TEAD4: variants seen among roughly 807,000 people sequenced by gnomAD.
TEAD4 encodes the protein transcriptional enhancer factor TEF-3.
Under a neutral mutation model 52.4 loss-of-function variants are expected in TEAD4, and 36 were observed. The ratio of observed to expected loss-of-function variants is 0.69; its 90% CI spans 0.53 to 0.91. TEAD4 has a LOEUF of 0.91. TEAD4 is among the 40% of genes least tolerant of loss of function. The pLI, the probability that TEAD4 is intolerant of heterozygous loss-of-function variation, is 0.00. For missense variants in TEAD4, 508 were observed against 583.9 expected, an observed-to-expected ratio of 0.87 and a Z score of 1.34; for synonymous variants, 220 against 231.0, an observed-to-expected ratio of 0.95 and a Z score of 0.43.
intron 3 of TEAD4, among the ~76,000 whole-genome samples, chr12:2,998,827 A>G (rs1194709857): frequency 1.3e-5 from 2 of 152,118 alleles, no homozygotes; most frequent in Non-Finnish European, 2.9e-5. Context: ...TTGCTCCTCC[A>G]CTGCCTGGCC....
chr12:2,971,507 G>C (rs1425456999), intron 2 of TEAD4, among the ~76,000 whole-genome samples: 1 of 151,202 alleles, frequency 6.6e-6, no homozygotes, highest in Non-Finnish European at 1.5e-5. Context: ...ACAGAGTCTC[G>C]CTCTGTCGCC....
chr12:2,983,291 C>A (rs1370340939), intron 2 of TEAD4, among the ~76,000 whole-genome samples: 3 of 152,160 alleles, frequency 2.0e-5, no homozygotes, highest in African/African-American at 7.2e-5. Flanking sequence ...GTGTCAGGCC[C>A]TACGCTAGAT....
At chr12:2,967,022 A>T (rs964672968) in intron 2 of TEAD4, among the ~76,000 whole-genome samples, 3 of 152,102 alleles carry the variant, frequency 2.0e-5, no homozygotes, top group Non-Finnish European at 4.4e-5. Context: ...TCTCGTTTTT[A>T]TGGGCGTTGA....
At chr12:3,003,914 A>G (rs2098253716) in intron 3 of TEAD4, among the ~76,000 whole-genome samples, 1 of 152,118 alleles carries the variant, frequency 6.6e-6, no homozygotes. Flanking sequence ...AGCCCCTCCC[A>G]CCGCCACCAC....
At chr12:2,981,014 T>TGGGGC (rs1238204702) in intron 2 of TEAD4, among the ~76,000 whole-genome samples, 5 of 152,236 alleles carry the variant, frequency 3.3e-5, no homozygotes, top group Non-Finnish European at 7.4e-5. Flanking sequence ...ACCTGCCAAA[T>TGGGGC]GGGGCAGTGC....
At chr12:3,002,509 C>T (rs929093666) in intron 3 of TEAD4, among the ~76,000 whole-genome samples, 3 of 152,228 alleles carry the variant, frequency 2.0e-5, no homozygotes, top group Admixed American at 6.5e-5. Flanking sequence ...TCCTCATCAG[C>T]GCTTGTTATT....
intron 10 of TEAD4, among the ~76,000 whole-genome samples, chr12:3,036,473 T>C (rs1295731525): frequency 3.3e-5 from 5 of 152,166 alleles, no homozygotes; most frequent in Non-Finnish European, 5.9e-5. Context: ...TAGAATTGCT[T>C]GGTGCCTGGC....
intron 10 of TEAD4, among the ~76,000 whole-genome samples, chr12:3,023,768 G>A (rs1036030030): frequency 3.4e-5 from 5 of 148,116 alleles, no homozygotes; most frequent in African/African-American, 5.0e-5. Context: ...ATTCCAGCCT[G>A]GGCAACAGAG....
intron 2 of TEAD4, among the ~76,000 whole-genome samples, chr12:2,993,530 G>A (rs2098244827): frequency 6.6e-6 from 1 of 152,066 alleles, no homozygotes. Flanking sequence ...GAGTGCAGTG[G>A]CGCAATCATG....
At chr12:3,031,354 G>A (rs1565552121) in intron 10 of TEAD4, among the ~76,000 whole-genome samples, 1 of 152,208 alleles carries the variant, frequency 6.6e-6, no homozygotes, top group Non-Finnish European at 1.5e-5. Flanking sequence ...GGGTCAGAGC[G>A]GAGACCCAGT....
chr12:3,017,105 G>T (rs1397296137), intron 5 of TEAD4: 3 of 543,428 alleles, frequency 5.5e-6, no homozygotes, highest in Non-Finnish European at 1.1e-5. Flanking sequence ...GGTGAGCAAG[G>T]CATAGAAGGT....
chr12:3,028,007 C>G (rs898401601), intron 10 of TEAD4, among the ~76,000 whole-genome samples: 1 of 152,324 alleles, frequency 6.6e-6, no homozygotes, highest in South Asian at 2.1e-4. Context: ...CTCCTACCCC[C>G]CAGCCCTGTG....
At position 2,967,651 on chromosome 12, in the gene TEAD4, C is replaced by T. The variant is rs564595135; in HGVS notation, c.-30+7611C>T. 1.1e-4 allele frequency among the ~76,000 whole-genome samples: 17 copies of T among 152,300 alleles called. 1 individual carries two copies. In the East Asian group the frequency reaches 2.3e-3, roughly 21 times the overall value. On this transcript the variant is annotated intron_variant, in intron 2 of 12. Transcript: ENST00000359864. Reference sequence around the variant, plus strand: ...AGGCTTGGGGTTTTGGGCTGAAAAACGAAGGAAGAGGGAAATGAACATTTT... The same window carrying T: ...AGGCTTGGGGTTTTGGGCTGAAAAATGAAGGAAGAGGGAAATGAACATTTT...
At chr12:3,021,051 A>G (rs2098268362) in intron 9 of TEAD4, among the ~76,000 whole-genome samples, 1 of 150,840 alleles carries the variant, frequency 6.6e-6, no homozygotes, top group African/African-American at 2.4e-5. Context: ...TCCTAACCCA[A>G]CCGACCCTTA....
chr12:3,028,569 T>C (rs1053394669), intron 10 of TEAD4, among the ~76,000 whole-genome samples: 1 of 152,246 alleles, frequency 6.6e-6, no homozygotes, highest in African/African-American at 2.4e-5. Context: ...TAAGCATCTT[T>C]TCATGTGCTT....
At chr12:3,004,789 G>C (rs1023266810) in intron 3 of TEAD4, among the ~76,000 whole-genome samples, 1 of 152,232 alleles carries the variant, frequency 6.6e-6, no homozygotes, top group Admixed American at 6.5e-5. Context: ...GGCCACGGCA[G>C]CTCCCTCTGT....
chr12:3,018,683 TG>T, intron 7 of TEAD4, 95 bp downstream of exon 7: 1 of 1,524,498 alleles, frequency 6.6e-7, no homozygotes, highest in East Asian at 2.3e-5. Context: ...CAGGGTGTGC[TG>T]GGGCCGCTGC....
intron 10 of TEAD4, among the ~76,000 whole-genome samples, chr12:3,030,123 T>C (rs7299829): frequency 0.84 from 127,857 of 152,194 alleles, 54,538 homozygotes; most frequent in East Asian, 1. Flanking sequence ...CCCTGAGACC[T>C]GTTGCCCTCC....
Position 3,040,394 on chromosome 12 carries a change from C to T in TEAD4, c.1221C>T (p.Thr407=), listed in dbSNP as rs771970936. 1.5e-5 allele frequency: 25 copies of T among 1,614,190 alleles called. No homozygotes were observed. The South Asian group carries it at 2.5e-4, about 16-fold the overall frequency. ...TCACCAACAGAGACACACAGGAGACCTTGCTGTGCATTGCCTATGTCTTTG... is the reference window on the plus strand; with the variant it reads ...TCACCAACAGAGACACACAGGAGACTTTGCTGTGCATTGCCTATGTCTTTG... Residue 407 remains threonine (T), a synonymous_variant, in exon 13 of 13, where the codon ACC becomes ACT. Coordinates refer to ENST00000359864, the MANE Select transcript of TEAD4 (RefSeq NM_003213.4).
Sources: gnomAD v4.1 joint callset for allele counts (sites outside exome capture counted in the v4.1 genomes callset) on GRCh38, gnomAD v4.1.1 for gene constraint, MANE v1.5 for transcripts, NCBI Gene and HGNC (gene_info 2026-07-23, HGNC 2026-07-21) for gene names.